VWC2L: variants seen among roughly 807,000 people sequenced by gnomAD.
VWC2L encodes von Willebrand factor C domain containing 2 like.
VWC2L carries 10 observed loss-of-function variants against 21.6 expected under a neutral mutation model. That is an observed-to-expected ratio of 0.46 (90% CI 0.29 to 0.78). The LOEUF is 0.78. Ranked by LOEUF, VWC2L falls within the 30% of genes least tolerant of loss-of-function variation. VWC2L has a pLI of 0.10. For missense variants in VWC2L, 209 were observed against 277.1 expected (o/e 0.75, Z 1.74); for synonymous variants, 96 against 94.3 (o/e 1.02, Z -0.10).
Position 214,509,465 on chromosome 2 carries a change from TA to T in VWC2L, c.521-66195del, listed in dbSNP as rs67599157. Among the ~76,000 whole-genome samples the T allele has an allele frequency of 7.1e-3, 1,070 of 150,722 alleles. 11 individuals carry two copies. Among genetic ancestry groups the T allele is most frequent in the African/African-American group, 0.025 (1,004 of 40,834 alleles). The stretch of plus-strand genomic sequence containing the variant: ...TTCTCTAAAGAAAAACTTTGCTACT[TA>T]AAAAAAAAAAATGTGTTCGTTGATG... On this transcript the variant is annotated intron_variant, in intron 3 of 3. Transcript: ENST00000312504.
intron 3 of VWC2L, chr2:214,525,443 G>A (rs1170415928): frequency 6.6e-6 from 1 of 152,184 alleles, no homozygotes; most frequent in Non-Finnish European, 1.5e-5. Context: ...GTTGTTTCCA[G>A]AGTCAATAAG....
intron 2 of VWC2L, among the ~76,000 whole-genome samples, chr2:214,423,693 T>C (rs796265239): frequency 5.3e-5 from 8 of 152,200 alleles, no homozygotes; most frequent in African/African-American, 1.9e-4. Flanking sequence ...AGCCTAAGTT[T>C]CCAAAGGCTG....
At chr2:214,501,686 C>T (rs1429346556) in intron 3 of VWC2L, among the ~76,000 whole-genome samples, 13 of 142,622 alleles carry the variant, frequency 9.1e-5, no homozygotes, top group East Asian at 6.3e-4. Flanking sequence ...CATGCCTCTG[C>T]GCTCCAGCCT....
At chr2:214,443,213 TACA>T (rs1702786973) in intron 3 of VWC2L, among the ~76,000 whole-genome samples, 1 of 151,870 alleles carries the variant, frequency 6.6e-6, no homozygotes, top group South Asian at 2.1e-4. Context: ...ACCCTGTAGC[TACA>T]ACAACAAAAA....
chr2:214,458,831 G>A (rs1363337462), intron 3 of VWC2L, among the ~76,000 whole-genome samples: 1 of 152,014 alleles, frequency 6.6e-6, no homozygotes. Context: ...TTGCTTTATG[G>A]CCTAACATAT....
At chr2:214,561,784 TTATATA>T (rs67223012) in intron 3 of VWC2L, among the ~76,000 whole-genome samples, 9 of 128,682 alleles carry the variant, frequency 7.0e-5, no homozygotes, top group East Asian at 6.4e-4. Flanking sequence ...TCAAAAAAAA[TTATATA>T]TATATATATA....
chr2:214,504,138 G>C (rs1688934951), intron 3 of VWC2L, among the ~76,000 whole-genome samples: 2 of 152,176 alleles, frequency 1.3e-5, no homozygotes, highest in South Asian at 4.1e-4. Flanking sequence ...AAAATCAAAA[G>C]AATGCAGATT....
chr2:214,455,132 AAG>A (rs1415600293), intron 3 of VWC2L, among the ~76,000 whole-genome samples: 4 of 152,242 alleles, frequency 2.6e-5, no homozygotes, highest in South Asian at 4.2e-4. Context: ...AATTTTCTGG[AAG>A]AGTTTGTATA....
intron 3 of VWC2L, among the ~76,000 whole-genome samples, chr2:214,437,690 T>C (rs1037935496): frequency 5.3e-5 from 8 of 152,288 alleles, no homozygotes; most frequent in Non-Finnish European, 8.8e-5. Flanking sequence ...TTTTTTGCTC[T>C]GAATTTGGAG....
chr2:214,427,342 A>T (rs1224781090), intron 2 of VWC2L, among the ~76,000 whole-genome samples: 1 of 152,182 alleles, frequency 6.6e-6, no homozygotes, highest in African/African-American at 2.4e-5. Flanking sequence ...AGAATCAGAG[A>T]ATTTTTCTTT....
chr2:214,425,196 C>T (rs926207346), intron 2 of VWC2L, among the ~76,000 whole-genome samples: 5 of 152,152 alleles, frequency 3.3e-5, no homozygotes, highest in Non-Finnish European at 5.9e-5. Context: ...GATATTCTTC[C>T]CTTTCTACTT....
At chr2:214,536,316 G>A (rs1689528118) in intron 3 of VWC2L, among the ~76,000 whole-genome samples, 1 of 152,168 alleles carries the variant, frequency 6.6e-6, no homozygotes, top group Non-Finnish European at 1.5e-5. Flanking sequence ...CTTTTCACAT[G>A]AGAAAAAACT....
intron 3 of VWC2L, among the ~76,000 whole-genome samples, chr2:214,572,677 A>C (rs1376634135): frequency 6.6e-6 from 1 of 152,212 alleles, no homozygotes; most frequent in Non-Finnish European, 1.5e-5. Flanking sequence ...AATAGTGCCA[A>C]CCATTCTGCC....
At chr2:214,544,988 A>G (rs1574628735) in intron 3 of VWC2L, among the ~76,000 whole-genome samples, 1 of 152,254 alleles carries the variant, frequency 6.6e-6, no homozygotes, top group African/African-American at 2.4e-5. Flanking sequence ...CTGATTTTTC[A>G]CATATTCCAT....
chr2:214,566,979 A>C (rs1690071697), intron 3 of VWC2L, among the ~76,000 whole-genome samples: 1 of 152,206 alleles, frequency 6.6e-6, no homozygotes, highest in Non-Finnish European at 1.5e-5. Flanking sequence ...ACTAAGGCCT[A>C]CAAGCCTACT....
At position 214,421,487 on chromosome 2, in the gene VWC2L, C is replaced by A. The variant is rs866102703; in HGVS notation, c.390+6904C>A. Among the ~76,000 whole-genome samples the A allele has an allele frequency of 3.9e-5, 6 of 152,118 alleles. No homozygotes were observed. In the South Asian group the frequency reaches 1.2e-3, roughly 32 times the overall value. ...TTGCTGTCCTTCATATTGGAAGATG[C>A]TGCTGTTAATGGTGATAACTGTGTG... On this transcript the variant is annotated intron_variant, in intron 2 of 3. Transcript: ENST00000312504.
intron 3 of VWC2L, among the ~76,000 whole-genome samples, chr2:214,552,411 A>G (rs1689808005): frequency 6.6e-6 from 1 of 152,212 alleles, no homozygotes; most frequent in South Asian, 2.1e-4. Flanking sequence ...CACTTTCAAA[A>G]CAATAGAGGT....
intron 3 of VWC2L, among the ~76,000 whole-genome samples, chr2:214,565,245 T>C (rs1317441552): frequency 6.6e-6 from 1 of 152,186 alleles, no homozygotes; most frequent in African/African-American, 2.4e-5. Context: ...CCACTCTACA[T>C]AAATAGATTG....
chr2:214,548,429 C>T (rs770300253), intron 3 of VWC2L, among the ~76,000 whole-genome samples: 6 of 152,192 alleles, frequency 3.9e-5, no homozygotes, highest in Non-Finnish European at 7.3e-5. Context: ...CCAGGACTTA[C>T]AATTCATAAA....
Sources: gnomAD v4.1 joint callset for allele counts (sites outside exome capture counted in the v4.1 genomes callset) on GRCh38, gnomAD v4.1.1 for gene constraint, MANE v1.5 for transcripts, NCBI Gene and HGNC (gene_info 2026-07-23, HGNC 2026-07-21) for gene names.